C7: variants seen among roughly 807,000 people sequenced by gnomAD.
C7 encodes complement C7, also known as complement component C7.
C7 carries 83 observed loss-of-function variants against 104.8 expected under a neutral mutation model. The ratio of observed to expected loss-of-function variants is 0.79; its 90% CI spans 0.66 to 0.95. The LOEUF is 0.95. Among genes scored for constraint, C7 ranks in the 40% least tolerant of loss-of-function variants. C7 has a pLI of 0.00. For missense variants in C7, 1,070 were observed against 1,011.2 expected (o/e 1.06, Z -0.79); for synonymous variants, 415 against 360.6 (o/e 1.15, Z -1.71).
chr5:40,952,478 T>TTTATTTATTTATTTATTTA (rs1740191981), intron 9 of C7, among the ~76,000 whole-genome samples: 3 of 149,316 alleles, frequency 2.0e-5, no homozygotes, highest in Admixed American at 6.7e-5. Flanking sequence ...CTGTAATTCT[T>TTTATTTATTTATTTATTTA]TTTATTTATT....
At chr5:40,968,594 ATATATATTTTT>A (rs1740619179) in intron 14 of C7, among the ~76,000 whole-genome samples, 3 of 26,130 alleles carry the variant, frequency 1.1e-4, no homozygotes, top group South Asian at 1.1e-3. Context: ...ATATATATAT[ATATATATTTTT>A]TTTTTTTTTT....
At chr5:40,929,615 A>G (rs974398410) in intron 2 of C7, among the ~76,000 whole-genome samples, 1 of 152,174 alleles carries the variant, frequency 6.6e-6, no homozygotes, top group South Asian at 2.1e-4. Flanking sequence ...TCCAGAAATC[A>G]GGAATACTAG....
At chr5:40,934,266 A>C in intron 3 of C7, 59 bp from the exon 4 acceptor site, 3 of 1,427,152 alleles carry the variant, frequency 2.1e-6, no homozygotes, top group Non-Finnish European at 2.8e-6. Context: ...AAAGGAAACT[A>C]GAGATTTCTT....
chr5:40,944,892 T>C (rs891574078), intron 6 of C7, among the ~76,000 whole-genome samples: 1 of 152,124 alleles, frequency 6.6e-6, no homozygotes, highest in Non-Finnish European at 1.5e-5. Context: ...GTGTAGCTTT[T>C]GTTAATTTGC....
Position 40,976,803 on chromosome 5 carries a change from A to C in C7, c.2128A>C (p.Asn710His). Residue 710 changes from asparagine (N) to histidine (H), a missense_variant, in exon 16 of 18, where the codon AAT becomes CAT. Transcript: ENST00000313164. ...ATGTCAGCGCTGGGAGAAACTGCAGAATTCAAGATGTGTTTGTAAAATGCC... is the reference window on the plus strand; with the variant it reads ...ATGTCAGCGCTGGGAGAAACTGCAGCATTCAAGATGTGTTTGTAAAATGCC... ...PKCQRWEKLQNSRCVCKMPYE... is the reference protein window; with the variant it reads ...PKCQRWEKLQHSRCVCKMPYE... 1.2e-6 allele frequency: 2 copies of C among 1,607,742 alleles called. No homozygotes were observed. Among genetic ancestry groups the C allele is most frequent in the Non-Finnish European group, 1.7e-6 (2 of 1,176,826 alleles).
In C7 at chr5:40,909,522, C is replaced by A. The variant is rs919206651; in HGVS notation, c.-89C>A. 2 of 971,610 alleles carry A rather than the reference C, an allele frequency of 2.1e-6. No individual in the cohort carries two copies. Among genetic ancestry groups the A allele is most frequent in the Non-Finnish European group, 3.2e-6 (2 of 634,520 alleles). The allele number at this position is 971,610 out of a possible 1,614,324, so 60.2% of individuals were successfully genotyped here. On this transcript the variant is annotated 5_prime_UTR_variant, in exon 1 of 18. The change creates a new upstream start codon in the 5' untranslated region. Coordinates refer to ENST00000313164, the MANE Select transcript of C7 (RefSeq NM_000587.4). Reference sequence around the variant, plus strand: ...AGGGAGAGGCAGAGAGGCAGGCAGCCTGCTGGGCTCTTCCTGCTGTTGAAA... The same window carrying A: ...AGGGAGAGGCAGAGAGGCAGGCAGCATGCTGGGCTCTTCCTGCTGTTGAAA...
intron 6 of C7, among the ~76,000 whole-genome samples, chr5:40,941,469 T>C (rs2111612177): frequency 6.6e-6 from 1 of 151,988 alleles, no homozygotes; most frequent in East Asian, 1.9e-4. Flanking sequence ...GGAAAGTAAA[T>C]AAAAAAGACT....
In C7 at chr5:40,936,433, C is replaced by T. The variant is rs368083143; in HGVS notation, c.376C>T (p.Pro126Ser). ...EDRCEDSERRPSCDIDKPPPN... is the reference protein window; with the variant it reads ...EDRCEDSERRSSCDIDKPPPN... Reference sequence around the variant, plus strand: ...CAGATGTGAGGACTCAGAAAGGAGACCTTCCTGTGATATCGATAAACCTCC... The same window carrying T: ...CAGATGTGAGGACTCAGAAAGGAGATCTTCCTGTGATATCGATAAACCTCC... The change falls in exon 5 of 18, where the codon CCT becomes TCT. Residue 126 changes from proline to serine, a missense_variant. Coordinates refer to ENST00000313164, the MANE Select transcript of C7 (RefSeq NM_000587.4). 1.7e-5 allele frequency: 28 copies of T among 1,613,054 alleles called. No individual in the cohort carries two copies. The African/African-American group carries it at 2.9e-4, about 17-fold the overall frequency.
chr5:40,955,693 A>G (rs936601182), intron 10 of C7, 140 bp downstream of exon 10: 3 of 646,362 alleles, frequency 4.6e-6, no homozygotes, highest in Non-Finnish European at 7.6e-6. Flanking sequence ...TTTGTAGAGT[A>G]AAATGAATGC....
chr5:40,930,288 C>T (rs1434086751), intron 2 of C7, among the ~76,000 whole-genome samples: 1 of 149,522 alleles, frequency 6.7e-6, no homozygotes, highest in African/African-American at 2.5e-5. Flanking sequence ...TCACTGCAAC[C>T]TCTGCCTCCC....
At chr5:40,948,262 C>G (rs556753944) in intron 8 of C7, among the ~76,000 whole-genome samples, 1 of 151,988 alleles carries the variant, frequency 6.6e-6, no homozygotes, top group African/African-American at 2.4e-5. Context: ...TAAAAAAATC[C>G]TCTCTGAATA....
In C7 at chr5:40,964,873, A is replaced by G. The variant is rs1365131903; in HGVS notation, c.1882A>G (p.Lys628Glu). Residue 628 changes from lysine (K) to glutamate (E), a missense_variant and splice_region_variant, in exon 14 of 18, where the codon AAA (lysine) becomes GAA (glutamate). Transcript: ENST00000313164. ...GCTTGTTGGGGAAATGCATTGTCAG[A>G]GTGAGTGGCGTCAGTTGTATATAAT... is the stretch of plus-strand genomic sequence containing the variant. ...RWLVGEMHCQKIACVLPVLMD... is the reference protein window; with the variant it reads ...RWLVGEMHCQEIACVLPVLMD... The G allele has an allele frequency of 6.2e-7, 1 of 1,613,618 alleles. No individual in the cohort carries two copies. The highest frequency in any genetic ancestry group is 1.1e-5 in the South Asian group (1 of 90,998).
At chr5:40,972,019 T>C in intron 14 of C7, 1 of 455,156 alleles carries the variant, frequency 2.2e-6, no homozygotes, top group Non-Finnish European at 4.4e-6. Flanking sequence ...CGGCAAAATA[T>C]CCAACTGGAT....
At chr5:40,913,408 ACATTCCCAC>A (rs1365295898) in intron 1 of C7, among the ~76,000 whole-genome samples, 1 of 152,110 alleles carries the variant, frequency 6.6e-6, no homozygotes, top group Non-Finnish European at 1.5e-5. Context: ...GTACTAATTT[ACATTCCCAC>A]CAATAGTATA....
At chr5:40,924,291 C>CCTTGG (rs1160510910) in intron 1 of C7, among the ~76,000 whole-genome samples, 2 of 152,144 alleles carry the variant, frequency 1.3e-5, no homozygotes, top group African/African-American at 4.8e-5. Context: ...AAATAATCTC[C>CCTTGG]CTTGGCTCCA....
chr5:40,910,680 C>T (rs1336320792), intron 1 of C7, among the ~76,000 whole-genome samples: 1 of 150,798 alleles, frequency 6.6e-6, no homozygotes, highest in Non-Finnish European at 1.5e-5. Flanking sequence ...CAATCAAATA[C>T]CCCATGTTCT....
intron 9 of C7, among the ~76,000 whole-genome samples, chr5:40,955,134 CTT>C (rs1740260273): frequency 6.6e-6 from 1 of 152,098 alleles, no homozygotes; most frequent in South Asian, 2.1e-4. Flanking sequence ...AGGGTTCACT[CTT>C]GATATTGAAC....
chr5:40,937,775 AT>A, intron 6 of C7, 85 bp downstream of exon 6: 1 of 1,135,444 alleles, frequency 8.8e-7, no homozygotes, highest in Non-Finnish European at 1.2e-6. Context: ...TTTGTTGAGA[AT>A]TTACTTATGG....
chr5:40,947,443 G>A (rs1285148192), intron 7 of C7, among the ~76,000 whole-genome samples, 159 bp from the exon 8 acceptor site: 1 of 152,090 alleles, frequency 6.6e-6, no homozygotes, highest in Non-Finnish European at 1.5e-5. Flanking sequence ...CGTCCAGTAA[G>A]TGGGCCCATA....
Sources: allele counts gnomAD v4.1 joint callset (sites outside exome capture counted in the v4.1 genomes callset), GRCh38; gene constraint gnomAD v4.1.1; transcripts MANE v1.5; gene names NCBI Gene and HGNC (gene_info 2026-07-23, HGNC 2026-07-21).